NFIB: variants seen among roughly 807,000 people sequenced by gnomAD.
The protein encoded by NFIB is nuclear factor I B.
NFIB carries 11 observed loss-of-function variants against 61.5 expected under a neutral mutation model. That is an observed-to-expected ratio of 0.18 (90% CI 0.11 to 0.30). NFIB has a LOEUF of 0.30. Among genes scored for constraint, NFIB ranks in the 10% least tolerant of loss-of-function variants. The probability of loss-of-function intolerance (pLI) is 1.00; values close to 1 mark genes in which losing one functional copy is unlikely to be tolerated. For missense variants in NFIB, 471 were observed against 608.9 expected (o/e 0.77, Z 2.38); for synonymous variants, 260 against 216.5 (o/e 1.20, Z -1.76).
intron 1 of NFIB, among the ~76,000 whole-genome samples, chr9:14,392,164 G>A (rs933666703): frequency 6.6e-6 from 1 of 152,170 alleles, no homozygotes; most frequent in African/African-American, 2.4e-5. Flanking sequence ...ACAGCCAAGA[G>A]GAGCCAAAGA....
At chr9:14,279,007 T>G (rs1199724345) in intron 2 of NFIB, among the ~76,000 whole-genome samples, 1 of 152,154 alleles carries the variant, frequency 6.6e-6, no homozygotes, top group Non-Finnish European at 1.5e-5. Flanking sequence ...GTGTTTCTTA[T>G]CCTCAGGAAT....
intron 1 of NFIB, among the ~76,000 whole-genome samples, chr9:14,382,219 AT>A (rs2061496373): frequency 6.6e-6 from 1 of 152,168 alleles, no homozygotes; most frequent in Non-Finnish European, 1.5e-5. Flanking sequence ...CTGGAAGGCA[AT>A]TCTTTTCGAA....
intron 1 of NFIB, among the ~76,000 whole-genome samples, chr9:14,350,470 C>T (rs13290272): frequency 0.25 from 37,700 of 151,110 alleles, 5,033 homozygotes; most frequent in Middle Eastern, 0.33. Flanking sequence ...AAATCGCCAC[C>T]CCCGCTGCCC....
At chr9:14,356,871 G>A (rs2061182122) in intron 1 of NFIB, among the ~76,000 whole-genome samples, 1 of 152,182 alleles carries the variant, frequency 6.6e-6, no homozygotes. Flanking sequence ...AGTGGTCATG[G>A]GGCTGTTATG....
intron 2 of NFIB, among the ~76,000 whole-genome samples, chr9:14,238,794 C>A (rs1322985): frequency 0.22 from 33,575 of 152,088 alleles, 4,761 homozygotes; most frequent in Middle Eastern, 0.38. Flanking sequence ...GAAAAAGGTA[C>A]AGATAAACAG....
intron 2 of NFIB, among the ~76,000 whole-genome samples, chr9:14,292,110 T>C (rs1199036972): frequency 1.3e-5 from 2 of 152,238 alleles, no homozygotes; most frequent in South Asian, 4.1e-4. Context: ...TCTTCTATTT[T>C]CCTTTAAAAA....
At chr9:14,199,838 GT>G (rs2048835140) in intron 2 of NFIB, among the ~76,000 whole-genome samples, 2 of 152,052 alleles carry the variant, frequency 1.3e-5, no homozygotes, top group Non-Finnish European at 2.9e-5. Context: ...GTTGCACCCA[GT>G]TTCCACTCAG....
At chr9:14,224,541 C>CA (rs1287669108) in intron 2 of NFIB, among the ~76,000 whole-genome samples, 1 of 152,180 alleles carries the variant, frequency 6.6e-6, no homozygotes, top group Non-Finnish European at 1.5e-5. Context: ...CACAAACTTA[C>CA]AAAAAGTAAA....
the NFIB span, among the ~76,000 whole-genome samples, chr9:14,476,070 A>G: frequency 3.3e-4 from 51 of 152,362 alleles, no homozygotes; most frequent in Non-Finnish European, 5.9e-4. Context: ...CCACATGTCA[A>G]TAGGAGGCAA....
At chr9:14,250,475 T>G (rs1179374267) in intron 2 of NFIB, among the ~76,000 whole-genome samples, 1 of 152,166 alleles carries the variant, frequency 6.6e-6, no homozygotes, top group Non-Finnish European at 1.5e-5. Context: ...ATTAAAACTT[T>G]CAGGTGTGTC....
At chr9:14,112,171 C>T (rs924839403) in intron 10 of NFIB, among the ~76,000 whole-genome samples, 6 of 152,228 alleles carry the variant, frequency 3.9e-5, no homozygotes, top group African/African-American at 1.4e-4. Context: ...TTTCAAACTG[C>T]TCTGCTATCA....
At chr9:14,415,946 T>C in the NFIB span, among the ~76,000 whole-genome samples, 2 of 152,208 alleles carry the variant, frequency 1.3e-5, no homozygotes, top group African/African-American at 4.8e-5. Context: ...GGGAGATAAC[T>C]CTAGTCTCCT....
chr9:14,188,684 T>G (rs1177737730), intron 2 of NFIB, among the ~76,000 whole-genome samples: 1 of 152,230 alleles, frequency 6.6e-6, no homozygotes, highest in Non-Finnish European at 1.5e-5. Context: ...CAACGCAGTT[T>G]GCCACATGAA....
chr9:14,249,209 T>C (rs1026811165), intron 2 of NFIB, among the ~76,000 whole-genome samples: 1 of 152,198 alleles, frequency 6.6e-6, no homozygotes, highest in Admixed American at 6.5e-5. Context: ...TCCAATTACA[T>C]AAACTGAGGA....
chr9:14,248,820 T>G (rs569478670), intron 2 of NFIB, among the ~76,000 whole-genome samples: 5 of 152,290 alleles, frequency 3.3e-5, no homozygotes, highest in Non-Finnish European at 7.4e-5. Context: ...TCCTCCCCAC[T>G]GGGTTTGCTT....
At chr9:14,388,305 G>A (rs2061573447) in intron 1 of NFIB, among the ~76,000 whole-genome samples, 1 of 149,192 alleles carries the variant, frequency 6.7e-6, no homozygotes, top group Admixed American at 6.7e-5. Context: ...AGCCTGGGAG[G>A]TTGAGGCTGC....
chr9:14,500,916 T>A, the NFIB span, among the ~76,000 whole-genome samples: 3 of 152,194 alleles, frequency 2.0e-5, no homozygotes, highest in Admixed American at 6.5e-5. Context: ...GCCTCTCTCG[T>A]TAAGTCTCCT....
chr9:14,436,728 AATAGTGAC>A, the NFIB span, among the ~76,000 whole-genome samples: 6 of 152,318 alleles, frequency 3.9e-5, no homozygotes. Flanking sequence ...GTGCTATATC[AATAGTGAC>A]ATTATTATCA....
At chr9:14,209,574 T>A (rs1388762810) in intron 2 of NFIB, among the ~76,000 whole-genome samples, 1 of 152,240 alleles carries the variant, frequency 6.6e-6, no homozygotes, top group African/African-American at 2.4e-5. Context: ...CAGTTTGTTT[T>A]GTGGTTATGA....
Sources: gnomAD v4.1 joint callset for allele counts (sites outside exome capture counted in the v4.1 genomes callset) on GRCh38, gnomAD v4.1.1 for gene constraint, MANE v1.5 for transcripts, NCBI Gene and HGNC (gene_info 2026-07-23, HGNC 2026-07-21) for gene names.